EFHD1: variants seen among roughly 807,000 people sequenced by gnomAD.
EFHD1 encodes the protein EF-hand domain family member D1.
Under a neutral mutation model 17.2 loss-of-function variants are expected in EFHD1, and 10 were observed. The observed-to-expected ratio is 0.58, with a 90% CI of 0.36 to 0.99. The LOEUF is 0.99. EFHD1 is among the 50% of genes least tolerant of loss of function. The pLI is 0.01. For missense variants in EFHD1, 310 were observed against 327.5 expected (o/e 0.95, Z 0.41); for synonymous variants, 153 against 142.0 (o/e 1.08, Z -0.55).
chr2:232,628,316 C>A (rs1694144807), intron 1 of EFHD1, among the ~76,000 whole-genome samples: 1 of 152,182 alleles, frequency 6.6e-6, no homozygotes, highest in African/African-American at 2.4e-5. Flanking sequence ...CTACCTTGAC[C>A]TCCCAAAGTG....
chr2:232,629,764 C>T (rs576868897), upstream of EFHD1, among the ~76,000 whole-genome samples: 2 of 150,472 alleles, frequency 1.3e-5, no homozygotes, highest in South Asian at 2.1e-4. Flanking sequence ...CCACCACGCC[C>T]GGCCAAAAAA....
chr2:232,677,440 C>T (rs190846679), intron 3 of EFHD1, among the ~76,000 whole-genome samples: 1 of 151,538 alleles, frequency 6.6e-6, no homozygotes, highest in African/African-American at 2.4e-5. Flanking sequence ...AGCATCCAGG[C>T]CTGGTGCAGT....
chr2:232,627,405 T>C (rs908842107), intron 1 of EFHD1, among the ~76,000 whole-genome samples: 25 of 152,304 alleles, frequency 1.6e-4, no homozygotes, highest in Non-Finnish European at 1.5e-5. Context: ...AGTTTGTTCA[T>C]GTACTTTCAG....
At chr2:232,660,504 T>G (rs905343707) in intron 1 of EFHD1, among the ~76,000 whole-genome samples, 1 of 151,954 alleles carries the variant, frequency 6.6e-6, no homozygotes, top group African/African-American at 2.4e-5. Context: ...CAGGCCTCTT[T>G]ATTTTTTTAA....
At chr2:232,654,060 A>T (rs957075756) in intron 1 of EFHD1, among the ~76,000 whole-genome samples, 1 of 151,984 alleles carries the variant, frequency 6.6e-6, no homozygotes, top group East Asian at 2.0e-4. Context: ...TACAGAAATT[A>T]GGTGGGTGTG....
intron 1 of EFHD1, among the ~76,000 whole-genome samples, chr2:232,627,055 TATA>T (rs1694116924): frequency 2.6e-5 from 3 of 115,642 alleles, no homozygotes; most frequent in African/African-American, 1.0e-4. Flanking sequence ...TATATATATA[TATA>T]TATATATTTT....
chr2:232,615,201 T>C (rs1444210132), intron 1 of EFHD1, among the ~76,000 whole-genome samples: 1 of 152,090 alleles, frequency 6.6e-6, no homozygotes, highest in South Asian at 2.1e-4. Flanking sequence ...AAGGCTTCTG[T>C]CAATAGCAGG....
Position 232,633,828 on chromosome 2 carries a change from C to T in EFHD1, c.124C>T (p.Pro42Ser). 2 of 1,480,456 alleles carry T rather than the reference C, an allele frequency of 1.4e-6. No individual in the cohort carries two copies. Among genetic ancestry groups the T allele is most frequent in the Middle Eastern group, 2.4e-4 (1 of 4,244 alleles). 91.7% of individuals were successfully genotyped at this position (1,480,456 alleles called of 1,614,324 possible). ...CCCGGAGCCCAAGCCCGAGCCCGAG[C>T]CTCCCGCCCGTGCGCCCACGGCCAG... ...PAPEPKPEPE[P>S]PARAPTASAD... is the part of the protein sequence containing the mutation. Residue 42 changes from proline to serine, a missense_variant, in exon 1 of 4, where the codon CCT becomes TCT. Transcript: ENST00000264059.
chr2:232,622,611 T>A, intron 1 of EFHD1, among the ~76,000 whole-genome samples: 1 of 146,262 alleles, frequency 6.8e-6, no homozygotes, highest in Admixed American at 6.7e-5. Context: ...GAGGGAGTAA[T>A]GAGTGGGGCA....
intron 1 of EFHD1, among the ~76,000 whole-genome samples, chr2:232,634,366 A>C (rs978457052): frequency 6.6e-6 from 1 of 151,876 alleles, no homozygotes; most frequent in African/African-American, 2.4e-5. Context: ...GCCGCGCCTC[A>C]CCTGCCAGCT....
At chr2:232,643,892 T>C (rs911036668) in intron 1 of EFHD1, among the ~76,000 whole-genome samples, 2 of 152,298 alleles carry the variant, frequency 1.3e-5, no homozygotes, top group East Asian at 3.9e-4. Flanking sequence ...GATGTCAGGC[T>C]TGGTTTCTGG....
At chr2:232,608,312 G>T (rs974391228) in intron 1 of EFHD1, among the ~76,000 whole-genome samples, 1 of 152,204 alleles carries the variant, frequency 6.6e-6, no homozygotes, top group Non-Finnish European at 1.5e-5. Context: ...GGAGGTTGCA[G>T]TGAGTCAAGA....
At chr2:232,649,535 G>A (rs959592650) in intron 1 of EFHD1, among the ~76,000 whole-genome samples, 3 of 152,186 alleles carry the variant, frequency 2.0e-5, no homozygotes, top group Non-Finnish European at 4.4e-5. Context: ...TCTGGGACAA[G>A]TTGGGTGTGG....
chr2:232,664,528 G>T (rs1026280847), intron 2 of EFHD1, among the ~76,000 whole-genome samples: 3 of 151,784 alleles, frequency 2.0e-5, no homozygotes, highest in African/African-American at 7.3e-5. Context: ...CAAACTCCTG[G>T]GTTCAAGCAA....
intron 3 of EFHD1, among the ~76,000 whole-genome samples, chr2:232,676,434 T>A (rs1695173187): frequency 6.6e-6 from 1 of 152,188 alleles, no homozygotes; most frequent in Non-Finnish European, 1.5e-5. Flanking sequence ...GCTGTAATTA[T>A]GCCACTAGGG....
intron 2 of EFHD1, among the ~76,000 whole-genome samples, chr2:232,667,785 T>G (rs975804292): frequency 6.6e-6 from 1 of 152,160 alleles, no homozygotes; most frequent in Non-Finnish European, 1.5e-5. Context: ...CTCAAACTCC[T>G]GACCTCAGGC....
intron 1 of EFHD1, chr2:232,661,547 G>A (rs893728968): frequency 6.7e-6 from 1 of 149,664 alleles, no homozygotes; most frequent in Admixed American, 6.8e-5. Context: ...TGGATATACG[G>A]CTATACCCCC....
chr2:232,642,107 G>T (rs944235454), intron 1 of EFHD1, among the ~76,000 whole-genome samples: 1 of 152,096 alleles, frequency 6.6e-6, no homozygotes, highest in East Asian at 1.9e-4. Flanking sequence ...AAATGAGGCC[G>T]GGAGTGGTGG....
At chr2:232,680,822 A>G (rs916211654) in intron 3 of EFHD1, among the ~76,000 whole-genome samples, 3 of 151,792 alleles carry the variant, frequency 2.0e-5, no homozygotes, top group Non-Finnish European at 4.4e-5. Flanking sequence ...GGAGAAATGT[A>G]TTTTAAAGGT....
Sources: gnomAD v4.1 joint callset for allele counts (sites outside exome capture counted in the v4.1 genomes callset) on GRCh38, gnomAD v4.1.1 for gene constraint, MANE v1.5 for transcripts, NCBI Gene and HGNC (gene_info 2026-07-23, HGNC 2026-07-21) for gene names.